The following KLHL1 variants were observed in gnomAD, a reference collection of about 807,000 sequenced individuals.
The protein encoded by KLHL1 is kelch-like protein 1.
KLHL1 carries 47 observed loss-of-function variants against 77.7 expected under a neutral mutation model. The ratio of observed to expected loss-of-function variants is 0.60; its 90% CI spans 0.48 to 0.77. The LOEUF (loss-of-function observed/expected upper bound fraction) is 0.77, where lower values mean the gene tolerates loss of function less well. KLHL1 is among the 30% of genes least tolerant of loss of function. The probability of loss-of-function intolerance (pLI) is 0.00; values close to 1 mark genes in which losing one functional copy is unlikely to be tolerated. For synonymous variants in KLHL1, 360 were observed against 325.2 expected (o/e 1.11, Z -1.15); for missense variants, 925 against 910.8 (o/e 1.02, Z -0.20).
Position 70,101,591 on chromosome 13 carries a change from G to C in KLHL1, c.497+5612C>G, listed in dbSNP as rs560499281. Among the ~76,000 whole-genome samples the C allele has an allele frequency of 1.9e-4, 29 of 152,118 alleles. No homozygotes were observed. In the South Asian group the frequency reaches 5.8e-3, roughly 30 times the overall value. ...TTACAGGCACTTGCCACCACGCTTG[G>C]CTAATTTTTGTATTTTTAGTAGAGA... is the stretch of plus-strand genomic sequence containing the variant. On this transcript the variant is annotated intron_variant, in intron 1 of 10. Coordinates refer to ENST00000377844, the MANE Select transcript of KLHL1 (RefSeq NM_020866.3).
chr13:70,018,123 G>A (rs181718878), intron 1 of KLHL1, among the ~76,000 whole-genome samples: 31 of 152,024 alleles, frequency 2.0e-4, no homozygotes, highest in Non-Finnish European at 3.1e-4. Context: ...TGAAATCTAC[G>A]AGTGAATAAC....
intron 2 of KLHL1, among the ~76,000 whole-genome samples, chr13:69,961,794 C>T (rs1411828962): frequency 6.7e-6 from 1 of 148,666 alleles, no homozygotes; most frequent in Non-Finnish European, 1.5e-5. Context: ...GAACGCATAA[C>T]ATATATTGAT....
At chr13:70,086,652 A>C (rs1362280388) in intron 1 of KLHL1, among the ~76,000 whole-genome samples, 1 of 146,408 alleles carries the variant, frequency 6.8e-6, no homozygotes, top group Non-Finnish European at 1.5e-5. Context: ...AGAAAACAAG[A>C]CTTATTTATT....
intron 2 of KLHL1, among the ~76,000 whole-genome samples, chr13:69,968,721 C>T (rs1434368924): frequency 2.0e-5 from 3 of 151,912 alleles, no homozygotes; most frequent in African/African-American, 7.3e-5. Context: ...CCTGGAATAC[C>T]TTTTGTTGCA....
intron 3 of KLHL1, among the ~76,000 whole-genome samples, chr13:69,956,734 T>C (rs1883899785): frequency 6.6e-6 from 1 of 151,622 alleles, no homozygotes; most frequent in South Asian, 2.1e-4. Context: ...ATTTAGAGGC[T>C]TTGAATATAT....
chr13:69,918,521 T>C (rs960032673), intron 4 of KLHL1, among the ~76,000 whole-genome samples: 1 of 152,048 alleles, frequency 6.6e-6, no homozygotes, highest in Non-Finnish European at 1.5e-5. Flanking sequence ...TGCTTTTTTT[T>C]TTTTCTTTAC....
At chr13:69,921,025 A>G (rs1882615259) in intron 4 of KLHL1, among the ~76,000 whole-genome samples, 1 of 152,186 alleles carries the variant, frequency 6.6e-6, no homozygotes, top group South Asian at 2.1e-4. Context: ...GATAAAATGA[A>G]GAGCCTCTGT....
chr13:70,066,093 A>C (rs913237289), intron 1 of KLHL1, among the ~76,000 whole-genome samples: 4 of 152,162 alleles, frequency 2.6e-5, no homozygotes, highest in African/African-American at 9.7e-5. Context: ...ATAAACAGTA[A>C]TTAACTGAAC....
At position 70,107,170 on chromosome 13, in the gene KLHL1, G is replaced by A. The variant is rs376098942; in HGVS notation, c.497+33C>T. The A allele has an allele frequency of 2.7e-5, 41 of 1,545,430 alleles. 1 individual carries two copies. The East Asian group carries it at 3.6e-4, about 14-fold the overall frequency. ...GCGGTGAAATGAGTGGAAATTGAGA[G>A]ATGCTTGGAAGCCCCGTGGGGACTT... is the stretch of plus-strand genomic sequence containing the variant. On this transcript the variant is annotated intron_variant, in intron 1 of 10. Coordinates refer to ENST00000377844, the MANE Select transcript of KLHL1 (RefSeq NM_020866.3).
At chr13:69,977,321 G>A (rs1385349784) in intron 1 of KLHL1, among the ~76,000 whole-genome samples, 3 of 151,704 alleles carry the variant, frequency 2.0e-5, no homozygotes, top group Non-Finnish European at 2.9e-5. Flanking sequence ...ATAATAAGCT[G>A]GATAATTTCA....
intron 2 of KLHL1, among the ~76,000 whole-genome samples, chr13:69,963,569 A>G (rs1296493817): frequency 6.6e-6 from 1 of 152,144 alleles, no homozygotes; most frequent in South Asian, 2.1e-4. Context: ...ATTTTAGCTT[A>G]TGGTCTACAC....
chr13:69,770,118 A>AC (rs1875493529), intron 7 of KLHL1, among the ~76,000 whole-genome samples: 1 of 151,726 alleles, frequency 6.6e-6, no homozygotes, highest in Admixed American at 6.6e-5. Context: ...GAGCTATAAC[A>AC]CCCCCTTGGG....
chr13:69,914,311 A>C (rs536872175), intron 4 of KLHL1, among the ~76,000 whole-genome samples: 33 of 152,110 alleles, frequency 2.2e-4, no homozygotes, highest in Non-Finnish European at 4.0e-4. Flanking sequence ...TCAACAATAA[A>C]ATTTCTAAAT....
chr13:69,833,137 A>C lies in KLHL1; in HGVS notation c.1414+5839T>G, dbSNP rs143166959. On this transcript the variant is annotated intron_variant, in intron 6 of 10. Transcript: ENST00000377844. The stretch of plus-strand genomic sequence containing the variant: ...AATTAAACTCAATAAGTTTCTGCAC[A>C]CCAAAGGAAATAATCAGCAGAATAA... 5.2e-3 allele frequency among the ~76,000 whole-genome samples: 796 copies of C among 152,300 alleles called. 10 individuals are homozygous for C. Among genetic ancestry groups the C allele is most frequent in the African/African-American group, 0.018 (732 of 41,580 alleles).
chr13:69,781,426 GAAGT>G (rs754393927), intron 7 of KLHL1, among the ~76,000 whole-genome samples: 19 of 151,888 alleles, frequency 1.3e-4, no homozygotes, highest in African/African-American at 2.2e-4. Flanking sequence ...GCTTGACTAG[GAAGT>G]AAGTAAGTTG....
At chr13:70,015,132 C>T (rs1885626621) in intron 1 of KLHL1, among the ~76,000 whole-genome samples, 1 of 152,080 alleles carries the variant, frequency 6.6e-6, no homozygotes, top group Admixed American at 6.5e-5. Flanking sequence ...TCATGTGCCA[C>T]TAAATGATGG....
intron 7 of KLHL1, among the ~76,000 whole-genome samples, chr13:69,785,018 T>C (rs1419677246): frequency 1.6e-3 from 232 of 146,266 alleles, no homozygotes; most frequent in Admixed American, 2.4e-3. Flanking sequence ...GCCTCCCAAG[T>C]AGCTGGGACT....
chr13:69,967,457 C>T (rs1566454971), intron 2 of KLHL1, among the ~76,000 whole-genome samples: 3 of 152,026 alleles, frequency 2.0e-5, no homozygotes, highest in South Asian at 2.1e-4. Flanking sequence ...ACTGAATTGC[C>T]GCAATGTCAT....
intron 1 of KLHL1, among the ~76,000 whole-genome samples, chr13:70,010,948 A>T (rs1338412114): frequency 6.7e-6 from 1 of 149,716 alleles, no homozygotes; most frequent in East Asian, 1.9e-4. Context: ...CAGTATCAGT[A>T]GACACCCAAA....
Sources: gnomAD v4.1 joint callset for allele counts (sites outside exome capture counted in the v4.1 genomes callset) on GRCh38, gnomAD v4.1.1 for gene constraint, MANE v1.5 for transcripts, NCBI Gene and HGNC (gene_info 2026-07-23, HGNC 2026-07-21) for gene names.